CSPP1: variants seen among roughly 807,000 people sequenced by gnomAD.
The protein encoded by CSPP1 is centrosome and spindle pole-associated protein 1.
A neutral mutation model predicts 164.4 loss-of-function variants in CSPP1; 126 were observed. The ratio of observed to expected loss-of-function variants is 0.77; its 90% CI spans 0.66 to 0.89. The LOEUF (loss-of-function observed/expected upper bound fraction) is 0.89, where lower values mean the gene tolerates loss of function less well. Ranked by LOEUF, CSPP1 falls within the 40% of genes least tolerant of loss-of-function variation. The probability of loss-of-function intolerance (pLI) is 0.00; values close to 1 mark genes in which losing one functional copy is unlikely to be tolerated. For synonymous variants in CSPP1, 472 were observed against 476.7 expected, an observed-to-expected ratio of 0.99 and a Z score of 0.13; for missense variants, 1,395 against 1,449.8, an observed-to-expected ratio of 0.96 and a Z score of 0.61.
chr8:67,158,433 G>GT lies in CSPP1; in HGVS notation c.2242-11dup, dbSNP rs1375285486. The GT allele has an allele frequency of 3.2e-6, 5 of 1,560,532 alleles. No homozygotes were observed. The highest frequency in any genetic ancestry group is 4.3e-6 in the Non-Finnish European group (5 of 1,150,420). On this transcript the variant is annotated splice_polypyrimidine_tract_variant and intron_variant, in intron 19 of 30. Coordinates refer to ENST00000678616, the MANE Select transcript of CSPP1 (RefSeq NM_001382391.1). Reference sequence around the variant, plus strand: ...ATAGTTTTACAAGATAAATAACTAAGTTTAATTCTTTAGATTGAGGAAAAG... The same window carrying GT: ...ATAGTTTTACAAGATAAATAACTAAGTTTTAATTCTTTAGATTGAGGAAAAG...
At chr8:67,178,750 G>A (rs950065962) in intron 27 of CSPP1, among the ~76,000 whole-genome samples, 2 of 152,178 alleles carry the variant, frequency 1.3e-5, no homozygotes, top group African/African-American at 4.8e-5. Context: ...CATGTAAGGA[G>A]CAGTGGGAGA....
intron 29 of CSPP1, 79 bp from the exon 30 acceptor site, chr8:67,193,385 C>A: frequency 7.6e-7 from 1 of 1,316,032 alleles, no homozygotes; most frequent in Non-Finnish European, 1.1e-6. Context: ...GTGATAGGCA[C>A]CATGCCTGGC....
chr8:67,074,430 C>A, intron 2 of CSPP1, 79 bp downstream of exon 2: 1 of 789,598 alleles, frequency 1.3e-6, no homozygotes, highest in South Asian at 2.0e-5. Flanking sequence ...ACAAAACATC[C>A]TCTTCTATGA....
At position 67,099,107 on chromosome 8, in the gene CSPP1, A is replaced by G. The variant is rs552600736; in HGVS notation, c.923+3375A>G. On this transcript the variant is annotated intron_variant, in intron 7 of 30. Coordinates refer to ENST00000678616, the MANE Select transcript of CSPP1 (RefSeq NM_001382391.1). The stretch of plus-strand genomic sequence containing the variant: ...TCTTCAAGGAAATAGGGAGAAAAAT[A>G]TTTTTTTCATTTAAAATACCTTTTT... 2.3e-3 allele frequency among the ~76,000 whole-genome samples: 356 copies of G among 151,856 alleles called. 1 individual carries two copies. Among genetic ancestry groups the G allele is most frequent in the Middle Eastern group, 0.01 (3 of 294 alleles).
Position 67,161,928 on chromosome 8 carries a change from G to C in CSPP1, c.2643+13G>C. 6.7e-7 allele frequency: 1 copy of C among 1,493,454 alleles called. No homozygotes were observed. The highest frequency in any genetic ancestry group is 1.1e-5 in the South Asian group (1 of 87,842). The allele number at this position is 1,493,454 out of a possible 1,614,324, so 92.5% of individuals were successfully genotyped here. On this transcript the variant is annotated intron_variant, in intron 22 of 30. Coordinates refer to ENST00000678616, the MANE Select transcript of CSPP1 (RefSeq NM_001382391.1). ...TTCCTTTATTCATGTATGTACTTTTGTTTTTATTTGTTCATCCTAGCTCAG... is the reference window on the plus strand; with the variant it reads ...TTCCTTTATTCATGTATGTACTTTTCTTTTTATTTGTTCATCCTAGCTCAG...
intron 29 of CSPP1, among the ~76,000 whole-genome samples, chr8:67,191,842 T>G (rs1002011165): frequency 1.7e-4 from 26 of 152,234 alleles, no homozygotes; most frequent in African/African-American, 6.0e-4. Flanking sequence ...TTTTCCAAAG[T>G]GGCTGTACCA....
At chr8:67,190,556 A>T (rs1290569342) in intron 28 of CSPP1, 94 bp from the exon 29 acceptor site, 1 of 890,672 alleles carries the variant, frequency 1.1e-6, no homozygotes. Context: ...TGGTATTGTA[A>T]GCAAAATCTT....
chr8:67,078,909 G>T (rs1808533112), intron 3 of CSPP1, among the ~76,000 whole-genome samples: 1 of 152,016 alleles, frequency 6.6e-6, no homozygotes, highest in Non-Finnish European at 1.5e-5. Flanking sequence ...GGAGGCGGAG[G>T]TTGCAGTGAC....
chr8:67,122,157 A>G (rs1450201193), intron 15 of CSPP1, among the ~76,000 whole-genome samples: 1 of 149,800 alleles, frequency 6.7e-6, no homozygotes, highest in Non-Finnish European at 1.5e-5. Context: ...AATCTTGTTG[A>G]TCTTTTCAAA....
chr8:67,141,695 G>A (rs1398485105), intron 17 of CSPP1, among the ~76,000 whole-genome samples: 1 of 152,098 alleles, frequency 6.6e-6, no homozygotes, highest in Non-Finnish European at 1.5e-5. Flanking sequence ...CTAATTTTGT[G>A]TATTTAGTAA....
chr8:67,192,077 T>G lies in CSPP1; in HGVS notation c.3330+1318T>G, dbSNP rs200747678. On this transcript the variant is annotated intron_variant, in intron 29 of 30. Transcript: ENST00000678616. ...TCCTTTGCTGATTTGTTTTTTTTTT[T>G]GTTTTTTTTTTTTGATACAGAGTCC... is the stretch of plus-strand genomic sequence containing the variant. Among the ~76,000 whole-genome samples, 171 of 145,078 alleles carry G rather than the reference T, an allele frequency of 1.2e-3. 1 individual carries two copies. The highest frequency in any genetic ancestry group is 4.0e-3 in the African/African-American group (159 of 39,670).
chr8:67,153,331 G>T (rs1163651352), intron 18 of CSPP1, among the ~76,000 whole-genome samples: 3 of 152,072 alleles, frequency 2.0e-5, no homozygotes, highest in African/African-American at 7.3e-5. Flanking sequence ...CATTCAAAGA[G>T]ACTCTAAGGG....
chr8:67,075,031 G>A (rs571600498), intron 2 of CSPP1: 2 of 153,016 alleles, frequency 1.3e-5, no homozygotes, highest in East Asian at 1.9e-4. Flanking sequence ...CACCCACCTC[G>A]GCCTCCCAAA....
chr8:67,181,557 T>C (rs938443901), intron 28 of CSPP1, among the ~76,000 whole-genome samples: 15 of 152,006 alleles, frequency 9.9e-5, no homozygotes. Context: ...GTATTTATGG[T>C]TAACAGTCAC....
intron 17 of CSPP1, among the ~76,000 whole-genome samples, chr8:67,140,103 G>A (rs934621075): frequency 2.9e-4 from 43 of 150,526 alleles, no homozygotes; most frequent in Non-Finnish European, 5.8e-4. Flanking sequence ...TAATTTTTTC[G>A]AGACAGAGTT....
chr8:67,087,122 AT>A (rs1289670396), intron 4 of CSPP1, among the ~76,000 whole-genome samples: 1 of 152,108 alleles, frequency 6.6e-6, no homozygotes, highest in Non-Finnish European at 1.5e-5. Context: ...CTTTTTGAAT[AT>A]TCTGCAGTTA....
intron 24 of CSPP1, among the ~76,000 whole-genome samples, chr8:67,172,187 G>A (rs1277732534): frequency 6.8e-6 from 1 of 147,720 alleles, no homozygotes; most frequent in Non-Finnish European, 1.5e-5. Flanking sequence ...GTAGCGAGGG[G>A]GTCTTGCTTT....
intron 15 of CSPP1, among the ~76,000 whole-genome samples, chr8:67,120,781 AGAT>A (rs1191014433): frequency 6.6e-6 from 1 of 152,110 alleles, no homozygotes; most frequent in Non-Finnish European, 1.5e-5. Flanking sequence ...TCTGCAAATA[AGAT>A]GATAACATCT....
At chr8:67,171,215 A>G (rs1449588175) in intron 24 of CSPP1, among the ~76,000 whole-genome samples, 3 of 151,044 alleles carry the variant, frequency 2.0e-5, no homozygotes, top group Non-Finnish European at 4.4e-5. Flanking sequence ...CCTGGCCAAC[A>G]TGGTGAAACC....
Sources: gnomAD v4.1 joint callset for allele counts (sites outside exome capture counted in the v4.1 genomes callset) on GRCh38, gnomAD v4.1.1 for gene constraint, MANE v1.5 for transcripts, NCBI Gene and HGNC (gene_info 2026-07-23, HGNC 2026-07-21) for gene names.